The following TACC1 variants were observed in gnomAD, a reference collection of about 807,000 sequenced individuals.
TACC1 encodes the protein transforming acidic coiled-coil-containing protein 1.
TACC1 carries 48 observed loss-of-function variants against 84.4 expected under a neutral mutation model. The ratio of observed to expected loss-of-function variants is 0.57; its 90% CI spans 0.45 to 0.72. TACC1 has a LOEUF of 0.72. TACC1 is among the 30% of genes least tolerant of loss of function. TACC1 has a pLI of 0.00. For missense variants in TACC1, 920 were observed against 973.0 expected (o/e 0.95, Z 0.72); for synonymous variants, 372 against 376.3 (o/e 0.99, Z 0.13).
chr8:38,765,119 C>A lies in TACC1; in HGVS notation c.26+19626C>A, dbSNP rs144704202. ...GTCTCAAAAAAAAAAAATTCCGTATCATAACCTCTCTTTCTTTCTGTTTAA... is the reference window on the plus strand; with the variant it reads ...GTCTCAAAAAAAAAAAATTCCGTATAATAACCTCTCTTTCTTTCTGTTTAA... On this transcript the variant is annotated intron_variant, in intron 3 of 14. Transcript: ENST00000518415. Among the ~76,000 whole-genome samples the A allele has an allele frequency of 7.7e-4, 117 of 151,624 alleles. 1 individual carries two copies. Among genetic ancestry groups the A allele is most frequent in the African/African-American group, 2.8e-3 (114 of 41,406 alleles).
chr8:38,757,318 C>T (rs868181128), intron 3 of TACC1: 13 of 1,267,574 alleles, frequency 1.0e-5, no homozygotes, highest in Non-Finnish European at 1.3e-5. Flanking sequence ...CAGCCCCGGC[C>T]CCAAGTTCTG....
At chr8:38,846,543 TA>T in intron 11 of TACC1, 155 bp from the exon 12 acceptor site, 1 of 758,944 alleles carries the variant, frequency 1.3e-6, no homozygotes, top group South Asian at 2.8e-5. Context: ...AAAATGGAAT[TA>T]TTTAGGTCAC....
At chr8:38,846,656 A>G (rs764793880) in intron 11 of TACC1, 43 bp from the exon 12 acceptor site, 24 of 1,611,080 alleles carry the variant, frequency 1.5e-5, no homozygotes, top group East Asian at 2.2e-5. Flanking sequence ...GTGGCTAATC[A>G]TGTGCTTTTT....
chr8:38,822,515 T>A, intron 3 of TACC1, among the ~76,000 whole-genome samples: 1 of 152,208 alleles, frequency 6.6e-6, no homozygotes, highest in East Asian at 1.9e-4. Context: ...ACTTCAGCTA[T>A]GCTAAATTTA....
At chr8:38,738,361 G>A (rs952289461) in intron 1 of TACC1, among the ~76,000 whole-genome samples, 36 of 151,452 alleles carry the variant, frequency 2.4e-4, no homozygotes, top group African/African-American at 6.8e-4. Flanking sequence ...GTGGAGCCTC[G>A]GCTTCCCAAA....
chr8:38,810,945 C>T lies in TACC1; in HGVS notation c.278-8577C>T, dbSNP rs567492551. Among the ~76,000 whole-genome samples, 14 of 152,148 alleles carry T rather than the reference C, an allele frequency of 9.2e-5. No homozygotes were observed. The South Asian group carries it at 1.0e-3, about 11-fold the overall frequency. The stretch of plus-strand genomic sequence containing the variant: ...TAGCCTAGGCAACGTAGTGCGACCC[C>T]GCCATCTGTACATACAAATTAAAAA... On this transcript the variant is annotated intron_variant, in intron 2 of 12. Transcript: ENST00000317827.
Position 38,819,722 on chromosome 8 carries a change from A to G in TACC1, c.478A>G (p.Thr160Ala), listed in dbSNP as rs1713197516. 2.5e-6 allele frequency: 4 copies of G among 1,614,174 alleles called. No individual in the cohort carries two copies. Among genetic ancestry groups the G allele is most frequent in the Non-Finnish European group, 3.4e-6 (4 of 1,180,034 alleles). Residue 160 changes from threonine (T) to alanine (A), a missense_variant, in exon 3 of 13, where the codon ACG becomes GCG. Coordinates refer to ENST00000317827, the MANE Select transcript of TACC1 (RefSeq NM_006283.3). ...RPFSIETKDSTDISAVLGTKA... is the reference protein window; with the variant it reads ...RPFSIETKDSADISAVLGTKA... ...ATTTTCAATAGAAACGAAGGATTCC[A>G]CGGATATCTCGGCAGTCCTCGGAAC...
chr8:38,755,721 ACAACAAC>A (rs1236719170), intron 3 of TACC1, among the ~76,000 whole-genome samples: 1 of 130,512 alleles, frequency 7.7e-6, no homozygotes, highest in African/African-American at 3.3e-5. Context: ...AACAACAACA[ACAACAAC>A]AACAACAACA....
intron 2 of TACC1, among the ~76,000 whole-genome samples, chr8:38,792,756 C>T (rs559171469): frequency 4.7e-4 from 72 of 152,216 alleles, no homozygotes; most frequent in African/African-American, 1.7e-3. Flanking sequence ...TGAGCCACCA[C>T]GCCTGGCCAG....
At chr8:38,810,033 A>G (rs773566456) in intron 2 of TACC1, among the ~76,000 whole-genome samples, 7 of 152,352 alleles carry the variant, frequency 4.6e-5, no homozygotes, top group East Asian at 1.9e-4. Context: ...ATACAAAAGT[A>G]GAACTTCTAT....
intron 4 of TACC1, 33 bp downstream of exon 4, chr8:38,825,401 A>G (rs758190774): frequency 6.2e-7 from 1 of 1,613,266 alleles, no homozygotes; most frequent in South Asian, 1.1e-5. Flanking sequence ...AATGTCTCTG[A>G]GACCAGGGGT....
Position 38,851,736 on chromosome 8 carries a change from G to C in TACC1, c.*3713G>C. ...GGAAGATAGAAACTAGGTTTTGAAA[G>C]ATTACATGATTCAAGCGAGGGATTT... On this transcript the variant is annotated 3_prime_UTR_variant, in exon 13 of 13. Transcript: ENST00000317827. 2 of 326,254 alleles carry C rather than the reference G, an allele frequency of 6.1e-6. No individual in the cohort carries two copies. The highest frequency in any genetic ancestry group is 1.2e-5 in the Non-Finnish European group (2 of 162,658). 20.2% of individuals were successfully genotyped at this position (326,254 alleles called of 1,614,324 possible). A position where few individuals can be genotyped will look rare whatever the true frequency, so the allele number is the denominator to read the frequency against.
intron 2 of TACC1, among the ~76,000 whole-genome samples, chr8:38,814,370 T>C (rs1426009587): frequency 6.6e-6 from 1 of 152,260 alleles, no homozygotes; most frequent in African/African-American, 2.4e-5. Flanking sequence ...GATCAACGAC[T>C]GACTGCATAT....
At position 38,732,676 on chromosome 8, in the gene TACC1, T is replaced by C. The variant is rs1006705410; in HGVS notation, c.-675+4005T>C. ...CGTCACCTCATTTGTTTAATCCTCA[T>C]GGCCGCCTGTCAGGTGAATACTATT... On this transcript the variant is annotated intron_variant, in intron 1 of 14. Coordinates refer to the TACC1 transcript ENST00000518415. 9.2e-5 allele frequency among the ~76,000 whole-genome samples: 14 copies of C among 152,334 alleles called. 1 individual carries two copies. In the South Asian group the frequency reaches 1.9e-3, roughly 20 times the overall value.
chr8:38,783,349 G>T (rs114054561), upstream of TACC1, among the ~76,000 whole-genome samples: 4,514 of 151,974 alleles, frequency 0.03, 218 homozygotes, highest in African/African-American at 0.1. Flanking sequence ...GACCCCAGGT[G>T]GGGGGCTCAG....
chr8:38,830,229 T>G (rs532668688), intron 5 of TACC1, among the ~76,000 whole-genome samples: 2 of 152,338 alleles, frequency 1.3e-5, no homozygotes, highest in East Asian at 3.9e-4. Context: ...CTTTTCTGTA[T>G]TTTTATGTTT....
At chr8:38,756,846 T>A (rs1810134296) in intron 3 of TACC1, among the ~76,000 whole-genome samples, 1 of 150,998 alleles carries the variant, frequency 6.6e-6, no homozygotes. Context: ...CTGGGTCCCC[T>A]GACCCCGTCA....
At chr8:38,781,372 A>T (rs1340157348) in intron 3 of TACC1, among the ~76,000 whole-genome samples, 1 of 150,746 alleles carries the variant, frequency 6.6e-6, no homozygotes, top group Admixed American at 6.6e-5. Context: ...CTGTAGGAGA[A>T]GAAATATTCT....
chr8:38,790,194 C>T (rs1018833404), intron 2 of TACC1, among the ~76,000 whole-genome samples: 1 of 152,144 alleles, frequency 6.6e-6, no homozygotes, highest in African/African-American at 2.4e-5. Context: ...CAGTCTCTGT[C>T]TCAACACATG....
Sources: allele counts gnomAD v4.1 joint callset (sites outside exome capture counted in the v4.1 genomes callset), GRCh38; gene constraint gnomAD v4.1.1; transcripts MANE v1.5; gene names NCBI Gene and HGNC (gene_info 2026-07-23, HGNC 2026-07-21).